The following PRKN variants were observed in gnomAD, a reference collection of about 807,000 sequenced individuals.
The protein encoded by PRKN is E3 ubiquitin-protein ligase parkin.
Under a neutral mutation model 59.5 loss-of-function variants are expected in PRKN, and 56 were observed. The ratio of observed to expected loss-of-function variants is 0.94; its 90% CI spans 0.76 to 1.18. The LOEUF is 1.18. Ranked by LOEUF, PRKN falls within the 50% of genes most tolerant of loss-of-function variation. The pLI is 0.00. For synonymous variants in PRKN, 250 were observed against 222.1 expected (o/e 1.13, Z -1.12); for missense variants, 657 against 596.4 (o/e 1.10, Z -1.06).
chr6:161,560,369 C>T lies in PRKN; in HGVS notation c.933+8986G>A, dbSNP rs190510754. Among the ~76,000 whole-genome samples, 10 of 152,226 alleles carry T rather than the reference C, an allele frequency of 6.6e-5. No homozygotes were observed. Among genetic ancestry groups the T allele is most frequent in the South Asian group, 2.1e-4 (1 of 4,820 alleles). On this transcript the variant is annotated intron_variant, in intron 8 of 11. Coordinates refer to ENST00000366898, the MANE Select transcript of PRKN (RefSeq NM_004562.3). The surrounding 1 kb of genome is among the most constrained non-coding windows in gnomAD (Gnocchi z 4.9). ...TGGTTGTCCCTTGGCTCCTTAACGA[C>T]GCCCCCAAATGCTTGGGTTCCTCTC...
intron 2 of PRKN, among the ~76,000 whole-genome samples, chr6:162,287,393 T>G (rs181870164): frequency 1.3e-5 from 2 of 152,090 alleles, no homozygotes; most frequent in East Asian, 3.9e-4. Flanking sequence ...ATGGCAAAAC[T>G]CTGTCTCTAC....
rs7757321 is a variant in PRKN at position 161,527,771 on chromosome 6, G to C, written c.1083+21083C>G. Among the ~76,000 whole-genome samples the C allele has an allele frequency of 0.072, 10,905 of 152,112 alleles. 523 individuals carry two copies. The highest frequency in any genetic ancestry group is 0.13 in the African/African-American group (5,453 of 41,452). On this transcript the variant is annotated intron_variant, in intron 9 of 11. Coordinates refer to ENST00000366898, the MANE Select transcript of PRKN (RefSeq NM_004562.3). This position sits in a 1 kb window ranked among gnomAD's most constrained non-coding sequence, Gnocchi z 4.6. ...TCCGGCTCTCCAGTCTTCTTTATTAGACTGGCCTCTACAGGGCTGGAGTCT... is the reference window on the plus strand; with the variant it reads ...TCCGGCTCTCCAGTCTTCTTTATTACACTGGCCTCTACAGGGCTGGAGTCT...
At chr6:162,262,842 T>A in intron 2 of PRKN, 77 bp from the exon 3 acceptor site, 3 of 1,563,328 alleles carry the variant, frequency 1.9e-6, no homozygotes, top group Non-Finnish European at 2.6e-6. Flanking sequence ...GAGTTTAACT[T>A]GCCCTCCGTG....
At position 161,434,043 on chromosome 6, in the gene PRKN, C is replaced by T. The variant is rs574759744; in HGVS notation, c.1084-47166G>A. Among the ~76,000 whole-genome samples, 13 of 152,044 alleles carry T rather than the reference C, an allele frequency of 8.6e-5. No individual in the cohort carries two copies. In the East Asian group the frequency reaches 1.5e-3, roughly 18 times the overall value. On this transcript the variant is annotated intron_variant, in intron 9 of 11. Transcript: ENST00000366898. The stretch of plus-strand genomic sequence containing the variant: ...AAAAAAATTGTCAGTTTTTATAACA[C>T]TCCAGGAGTTTCACTTTTTGCTACT...
At chr6:161,589,154 A>AATAC (rs1781625244) in intron 7 of PRKN, among the ~76,000 whole-genome samples, 1 of 152,326 alleles carries the variant, frequency 6.6e-6, no homozygotes, top group South Asian at 2.1e-4. Flanking sequence ...AACCTGCTGA[A>AATAC]ATACACCAGC....
chr6:161,982,102 G>A (rs1233539356), intron 5 of PRKN, among the ~76,000 whole-genome samples: 1 of 152,180 alleles, frequency 6.6e-6, no homozygotes, highest in Non-Finnish European at 1.5e-5. Context: ...GTTCTTCAGT[G>A]TGCCTTGAAG....
At chr6:162,437,007 G>A (rs1245346717) in intron 2 of PRKN, among the ~76,000 whole-genome samples, 3 of 152,106 alleles carry the variant, frequency 2.0e-5, no homozygotes, top group African/African-American at 7.2e-5. Flanking sequence ...CAGGAGAATC[G>A]CTTGAACCCG....
At chr6:162,261,208 G>GACAC (rs111394139) in intron 3 of PRKN, among the ~76,000 whole-genome samples, 36 of 152,276 alleles carry the variant, frequency 2.4e-4, no homozygotes, top group African/African-American at 8.7e-4. Context: ...AGGAGAGGGA[G>GACAC]ACACCCTTAC....
At chr6:161,654,115 A>G (rs1179596656) in intron 7 of PRKN, among the ~76,000 whole-genome samples, 1 of 152,132 alleles carries the variant, frequency 6.6e-6, no homozygotes, top group Non-Finnish European at 1.5e-5. Context: ...CGCAGGTGTG[A>G]GCCACCGCAC....
At chr6:161,570,150 T>A (rs865861377) in intron 7 of PRKN, among the ~76,000 whole-genome samples, 6,121 of 108,582 alleles carry the variant, frequency 0.056, 140 homozygotes, top group East Asian at 0.12. Context: ...AAAAAAAATA[T>A]ATATATATAT....
intron 7 of PRKN, among the ~76,000 whole-genome samples, chr6:161,678,216 CTTTT>C (rs3066554): frequency 7.4e-3 from 482 of 64,702 alleles, no homozygotes; most frequent in African/African-American, 0.037. Flanking sequence ...TACTGAATCA[CTTTT>C]TTTTTTTTTT....
At chr6:162,029,963 T>C (rs1254243819) in intron 5 of PRKN, among the ~76,000 whole-genome samples, 1 of 152,126 alleles carries the variant, frequency 6.6e-6, no homozygotes, top group Non-Finnish European at 1.5e-5. Flanking sequence ...TTTAGCCTCC[T>C]GAGTAGCTGT....
intron 1 of PRKN, among the ~76,000 whole-genome samples, chr6:162,543,432 G>A (rs1463490778): frequency 1.3e-5 from 2 of 151,342 alleles, no homozygotes; most frequent in Non-Finnish European, 2.9e-5. Context: ...TTTTCCCTCC[G>A]AGGCCCTCCC....
At position 161,694,650 on chromosome 6, in the gene PRKN, T is replaced by C. The variant is rs80060977; in HGVS notation, c.871+91122A>G. 5.1e-3 allele frequency among the ~76,000 whole-genome samples: 771 copies of C among 152,346 alleles called. 11 individuals are homozygous for C. Among genetic ancestry groups the C allele is most frequent in the African/African-American group, 0.018 (737 of 41,584 alleles). ...ACTAAGAACTGGATGCACATCTATC[T>C]AACTGTCCAAATCCCTTTTTGGATT... On this transcript the variant is annotated intron_variant, in intron 7 of 11. Coordinates refer to ENST00000366898, the MANE Select transcript of PRKN (RefSeq NM_004562.3).
In PRKN at chr6:162,687,474, G is replaced by A. The variant is rs143801544; in HGVS notation, c.7+40188C>T. On this transcript the variant is annotated intron_variant, in intron 1 of 11. Coordinates refer to ENST00000366898, the MANE Select transcript of PRKN (RefSeq NM_004562.3). ...GCTGGGATTACCGTCGTAAGCCACC[G>A]TGACTGGCCACAAAAGAGTCTTTTA... Among the ~76,000 whole-genome samples the A allele has an allele frequency of 1.1e-3, 166 of 152,140 alleles. 8 individuals carry two copies. The East Asian group carries it at 0.026, about 23-fold the overall frequency.
chr6:161,723,844 A>T (rs966518422), intron 7 of PRKN, among the ~76,000 whole-genome samples: 1 of 152,082 alleles, frequency 6.6e-6, no homozygotes, highest in Non-Finnish European at 1.5e-5. Flanking sequence ...TGCTTCCCTC[A>T]AGCTGGTTCA....
Position 161,371,872 on chromosome 6 carries a change from C to T in PRKN, c.1168-11667G>A, listed in dbSNP as rs899996937. On this transcript the variant is annotated intron_variant, in intron 10 of 11. Transcript: ENST00000366898. This position sits in a 1 kb window ranked among gnomAD's most constrained non-coding sequence, Gnocchi z 5.5. Reference sequence around the variant, plus strand: ...CAGGCTGATCTCGAATTCTTGACCTCAGGTGATCTGCCTGCCTCGGCCTCC... The same window carrying T: ...CAGGCTGATCTCGAATTCTTGACCTTAGGTGATCTGCCTGCCTCGGCCTCC... Among the ~76,000 whole-genome samples, 3 of 152,180 alleles carry T rather than the reference C, an allele frequency of 2.0e-5. No individual in the cohort carries two copies. Among genetic ancestry groups the T allele is most frequent in the African/African-American group, 7.2e-5 (3 of 41,452 alleles).
At chr6:161,865,866 T>A (rs182634136) in intron 6 of PRKN, among the ~76,000 whole-genome samples, 1 of 152,314 alleles carries the variant, frequency 6.6e-6, no homozygotes. Flanking sequence ...AGCTTTCACT[T>A]TGCATTCACA....
intron 2 of PRKN, among the ~76,000 whole-genome samples, chr6:162,389,117 G>C (rs890388792): frequency 1.3e-5 from 2 of 151,830 alleles, no homozygotes; most frequent in Non-Finnish European, 2.9e-5. Flanking sequence ...GTTTTGAATG[G>C]ATGTGTGAGT....
Sources: allele counts gnomAD v4.1 joint callset (sites outside exome capture counted in the v4.1 genomes callset), GRCh38; gene constraint gnomAD v4.1.1; non-coding constraint Gnocchi (gnomAD v3.1); transcripts MANE v1.5; gene names NCBI Gene and HGNC (gene_info 2026-07-23, HGNC 2026-07-21).